Variants in KCNH8 observed in about 807,000 individuals in gnomAD.
KCNH8 encodes potassium voltage-gated channel subfamily H member 8.
A neutral mutation model predicts 103.6 loss-of-function variants in KCNH8; 70 were observed. That is an observed-to-expected ratio of 0.68 (90% CI 0.56 to 0.82). The LOEUF (loss-of-function observed/expected upper bound fraction) is 0.82, where lower values mean the gene tolerates loss of function less well. Ranked by LOEUF, KCNH8 falls within the 40% of genes least tolerant of loss-of-function variation. KCNH8 has a pLI of 0.00. For missense variants in KCNH8, 1,217 were observed against 1,329.9 expected, an observed-to-expected ratio of 0.92 and a Z score of 1.32; for synonymous variants, 498 against 489.4, an observed-to-expected ratio of 1.02 and a Z score of -0.23.
rs373726033 is a variant in KCNH8 at position 19,313,714 on chromosome 3, AC to A, written c.443-28872del. On this transcript the variant is annotated intron_variant, in intron 3 of 15. Coordinates refer to ENST00000328405, the MANE Select transcript of KCNH8 (RefSeq NM_144633.3). ...AGATTCATTTGGAAAAAAAAAAAAA[AC>A]AACTCAATAACTGTAAATGAAGAAA... Among the ~76,000 whole-genome samples the A allele has an allele frequency of 1.8e-3, 274 of 151,902 alleles. 2 individuals carry two copies. In the East Asian group the frequency reaches 0.02, roughly 11 times the overall value.
At chr3:19,450,563 G>T in intron 9 of KCNH8, 1 of 463,508 alleles carries the variant, frequency 2.2e-6, no homozygotes, top group South Asian at 2.2e-5. Flanking sequence ...CCTTCTTATT[G>T]TCTCTTTTCA....
intron 3 of KCNH8, among the ~76,000 whole-genome samples, chr3:19,341,636 G>A (rs866959431): frequency 6.6e-6 from 1 of 152,048 alleles, no homozygotes; most frequent in South Asian, 2.1e-4. Context: ...ACACTACTTT[G>A]ATTCTAAAAT....
intron 7 of KCNH8, among the ~76,000 whole-genome samples, chr3:19,411,682 T>C (rs2066781493): frequency 6.6e-6 from 1 of 151,766 alleles, no homozygotes; most frequent in East Asian, 1.9e-4. Flanking sequence ...AAAATCAATG[T>C]ACAAAAATCA....
intron 2 of KCNH8, among the ~76,000 whole-genome samples, chr3:19,274,215 A>G (rs2125268699): frequency 6.6e-6 from 1 of 152,174 alleles, no homozygotes; most frequent in East Asian, 1.9e-4. Context: ...TACACATCTC[A>G]ATCTCCATAA....
intron 10 of KCNH8, 125 bp downstream of exon 10, chr3:19,451,529 A>G: frequency 1.2e-6 from 1 of 818,626 alleles, no homozygotes. Context: ...ACTCAGGAGT[A>G]TTCCTCATAT....
chr3:19,485,141 G>A (rs903854095), intron 11 of KCNH8, among the ~76,000 whole-genome samples: 1 of 151,984 alleles, frequency 6.6e-6, no homozygotes, highest in Non-Finnish European at 1.5e-5. Context: ...GTACCAAGTC[G>A]CTCACAAACC....
intron 2 of KCNH8, among the ~76,000 whole-genome samples, chr3:19,276,945 T>C (rs763788760): frequency 2.0e-5 from 3 of 152,108 alleles, no homozygotes; most frequent in Non-Finnish European, 4.4e-5. Flanking sequence ...ATCCAAGTTA[T>C]GGAATCAACC....
rs79766760 is a variant in KCNH8, at chr3:19,397,573, A to T, written c.1177+2262A>T. The stretch of plus-strand genomic sequence containing the variant: ...TATGTGTGTATATATACATATATAT[A>T]TTTTTCTTATTATGGGTCAGTGTCC... On this transcript the variant is annotated intron_variant, in intron 7 of 15. Transcript: ENST00000328405. Among the ~76,000 whole-genome samples, 50 of 150,872 alleles carry T rather than the reference A, an allele frequency of 3.3e-4. No homozygotes were observed. The East Asian group carries it at 4.9e-3, about 15-fold the overall frequency.
intron 11 of KCNH8, among the ~76,000 whole-genome samples, chr3:19,467,095 CACTTT>C (rs2067754674): frequency 6.6e-6 from 1 of 152,090 alleles, no homozygotes; most frequent in Non-Finnish European, 1.5e-5. Context: ...TCATATGACT[CACTTT>C]ACTGAGATAG....
intron 14 of KCNH8, among the ~76,000 whole-genome samples, chr3:19,517,646 C>G (rs965508412): frequency 6.6e-6 from 1 of 151,964 alleles, no homozygotes; most frequent in Non-Finnish European, 1.5e-5. Context: ...TATCCCTTTT[C>G]TATGGCTTGA....
chr3:19,312,315 A>G (rs1378618380), intron 3 of KCNH8, among the ~76,000 whole-genome samples: 2 of 151,942 alleles, frequency 1.3e-5, no homozygotes, highest in Admixed American at 1.3e-4. Context: ...GAACATGAGG[A>G]AAACAAGGTT....
chr3:19,291,338 G>T (rs2064922273), intron 3 of KCNH8, among the ~76,000 whole-genome samples: 2 of 151,882 alleles, frequency 1.3e-5, no homozygotes, highest in African/African-American at 4.8e-5. Flanking sequence ...GTGATGTTAG[G>T]GTGTCAATTT....
At chr3:19,260,978 A>G (rs1016401213) in intron 2 of KCNH8, among the ~76,000 whole-genome samples, 1 of 139,298 alleles carries the variant, frequency 7.2e-6, no homozygotes, top group Non-Finnish European at 1.5e-5. Context: ...ATATATATAT[A>G]TATATATATA....
At chr3:19,336,979 C>T (rs551773847) in intron 3 of KCNH8, among the ~76,000 whole-genome samples, 1 of 152,050 alleles carries the variant, frequency 6.6e-6, no homozygotes. Flanking sequence ...TAATAGAAGA[C>T]CCTTTCTAGC....
At chr3:19,329,652 A>G (rs923434106) in intron 3 of KCNH8, among the ~76,000 whole-genome samples, 2 of 152,216 alleles carry the variant, frequency 1.3e-5, no homozygotes, top group African/African-American at 4.8e-5. Flanking sequence ...TACAACTGGA[A>G]GATACATAAA....
chr3:19,396,463 A>G (rs889708641), intron 7 of KCNH8, among the ~76,000 whole-genome samples: 3 of 152,018 alleles, frequency 2.0e-5, no homozygotes, highest in Admixed American at 2.0e-4. Context: ...TCCCAATTTT[A>G]TTTCTGAGCT....
intron 15 of KCNH8, among the ~76,000 whole-genome samples, chr3:19,529,267 T>A (rs1575178506): frequency 6.6e-6 from 1 of 152,212 alleles, no homozygotes; most frequent in African/African-American, 2.4e-5. Flanking sequence ...CTTTGGCTCA[T>A]TTGATCAGAA....
intron 2 of KCNH8, among the ~76,000 whole-genome samples, chr3:19,267,872 C>T (rs1382398269): frequency 1.3e-5 from 2 of 152,098 alleles, no homozygotes; most frequent in African/African-American, 2.4e-5. Flanking sequence ...TCAGTTTTCT[C>T]TTCTGTAATA....
At chr3:19,315,147 TAAC>T (rs889491927) in intron 3 of KCNH8, among the ~76,000 whole-genome samples, 2 of 151,912 alleles carry the variant, frequency 1.3e-5, no homozygotes, top group Non-Finnish European at 1.5e-5. Flanking sequence ...TCTAGAATCA[TAAC>T]AAACATGGCC....
Sources: gnomAD v4.1 joint callset for allele counts (sites outside exome capture counted in the v4.1 genomes callset) on GRCh38, gnomAD v4.1.1 for gene constraint, MANE v1.5 for transcripts, NCBI Gene and HGNC (gene_info 2026-07-23, HGNC 2026-07-21) for gene names.